Variants in BRCA2 observed in about 807,000 individuals in gnomAD.
BRCA2 encodes BRCA2 DNA repair associated.
Under a neutral mutation model 276.7 loss-of-function variants are expected in BRCA2, and 203 were observed. The ratio of observed to expected loss-of-function variants is 0.73; its 90% CI spans 0.65 to 0.82. BRCA2 has a LOEUF of 0.82. Among genes scored for constraint, BRCA2 ranks in the 40% least tolerant of loss-of-function variants. BRCA2 has a pLI of 0.00. For synonymous variants in BRCA2, 1,289 were observed against 1,338.4 expected (o/e 0.96, Z 0.81); for missense variants, 3,920 against 3,915.0 (o/e 1.00, Z -0.03).
At chr13:32,341,894 ATTATACCAT>A (rs1431752829) in intron 11 of BRCA2, among the ~76,000 whole-genome samples, 2 of 151,438 alleles carry the variant, frequency 1.3e-5, no homozygotes, top group African/African-American at 4.9e-5. Context: ...TTGGTTTCCG[ATTATACCAT>A]TTACTGGGTA....
At chr13:32,354,181 G>A (rs1240265299) in intron 13 of BRCA2, among the ~76,000 whole-genome samples, 5 of 152,148 alleles carry the variant, frequency 3.3e-5, no homozygotes, top group Admixed American at 6.5e-5. Flanking sequence ...GAGTTTGCGT[G>A]CATCCCACAT....
chr13:32,319,892 G>T (rs1332347657), intron 3 of BRCA2, among the ~76,000 whole-genome samples: 1 of 152,204 alleles, frequency 6.6e-6, no homozygotes, highest in East Asian at 1.9e-4. Context: ...GTGTAAGGTT[G>T]AATGTAGTAT....
At chr13:32,355,787 G>A (rs1423307836) in intron 14 of BRCA2, among the ~76,000 whole-genome samples, 2 of 151,944 alleles carry the variant, frequency 1.3e-5, no homozygotes, top group Admixed American at 6.5e-5. Flanking sequence ...GGCTGAGGCA[G>A]GAGAATCGTT....
At position 32,357,791 on chromosome 13, in the gene BRCA2, A is replaced by C; in HGVS notation, c.7667A>C (p.Asn2556Thr). 6.2e-7 allele frequency: 1 copy of C among 1,613,908 alleles called. No individual in the cohort carries two copies. The highest frequency in any genetic ancestry group is 8.5e-7 in the Non-Finnish European group (1 of 1,179,816). Residue 2556 changes from asparagine to threonine, a missense_variant, in exon 16 of 27, where the codon AAT becomes ACT. Coordinates refer to ENST00000380152, the MANE Select transcript of BRCA2 (RefSeq NM_000059.4). ...CATTGCATAAAAATTAACAGCAAAA[A>C]TGCAGAGTCTTTTCAGTTTCACACT... ...SKHCIKINSK[N>T]AESFQFHTED...
intron 13 of BRCA2, among the ~76,000 whole-genome samples, chr13:32,350,858 G>A (rs1373849615): frequency 6.6e-6 from 1 of 152,232 alleles, no homozygotes; most frequent in Non-Finnish European, 1.5e-5. Context: ...AACATTGATA[G>A]TGAGAGGTGA....
chr13:32,339,530 T>C lies in BRCA2; in HGVS notation c.5175T>C (p.Ala1725=), dbSNP rs1593904640. The C allele has an allele frequency of 6.2e-7, 1 of 1,604,376 alleles. No homozygotes were observed. The highest frequency in any genetic ancestry group is 1.1e-5 in the South Asian group (1 of 89,128). Reference sequence around the variant, plus strand: ...AAAATAATTCAAACAGTACTATAGCTGAAAATGACAAAAATCATCTCTCCG... The same window carrying C: ...AAAATAATTCAAACAGTACTATAGCCGAAAATGACAAAAATCATCTCTCCG... ...LYENNSNSTI[A]ENDKNHLSEK... The change falls in exon 11 of 27, where the codon GCT becomes GCC. Residue 1725 remains alanine (A), a synonymous_variant. Transcript: ENST00000380152.
chr13:32,330,177 A>T (rs886627904), intron 8 of BRCA2, among the ~76,000 whole-genome samples: 3 of 152,178 alleles, frequency 2.0e-5, no homozygotes, highest in African/African-American at 7.2e-5. Context: ...TTCTGGCGTA[A>T]TATGTAGCTG....
rs9567623 is a variant in BRCA2, at chr13:32,377,317, C to T, written c.8754+526C>T. ...AATGACAATAAAATAGCTGGCCAGG[C>T]GCGGTGGCTCACGCCTATAATCCCA... On this transcript the variant is annotated intron_variant, in intron 21 of 26. Coordinates refer to ENST00000380152, the MANE Select transcript of BRCA2 (RefSeq NM_000059.4). Among the ~76,000 whole-genome samples the T allele has an allele frequency of 0.19, 28,766 of 152,054 alleles. 3,023 individuals carry two copies. Among genetic ancestry groups the T allele is most frequent in the East Asian group, 0.4 (2,040 of 5,164 alleles).
rs765923304 is a variant in BRCA2 at position 32,332,259 on chromosome 13, T to C, written c.794-13T>C. 6.3e-7 allele frequency: 1 copy of C among 1,584,806 alleles called. No individual in the cohort carries two copies. Among genetic ancestry groups the C allele is most frequent in the South Asian group, 1.1e-5 (1 of 87,816 alleles). On this transcript the variant is annotated splice_polypyrimidine_tract_variant and intron_variant, in intron 9 of 26. Transcript: ENST00000380152. The stretch of plus-strand genomic sequence containing the variant: ...ATAAAATATTAATGTGCTTCTGTTT[T>C]ATACTTTAACAGGATTTGGAAAAAC...
At chr13:32,383,723 C>T (rs969526794) in intron 24 of BRCA2, among the ~76,000 whole-genome samples, 3 of 151,676 alleles carry the variant, frequency 2.0e-5, no homozygotes, top group Non-Finnish European at 4.4e-5. Context: ...GATCAATGAA[C>T]AGGAGATAAG....
chr13:32,366,412 CAG>C (rs1318700596), intron 18 of BRCA2, among the ~76,000 whole-genome samples: 2 of 152,240 alleles, frequency 1.3e-5, no homozygotes, highest in Non-Finnish European at 2.9e-5. Context: ...TTATAGAGAA[CAG>C]GGATCTTTTT....
chr13:32,363,106 T>C (rs2137579157), intron 17 of BRCA2, 73 bp from the exon 18 acceptor site: 1 of 1,274,974 alleles, frequency 7.8e-7, no homozygotes, highest in Non-Finnish European at 1.1e-6. Flanking sequence ...TCTCAGTTAT[T>C]CAGTGACTTG....
At chr13:32,370,270 C>T (rs2072817479) in intron 18 of BRCA2, 132 bp from the exon 19 acceptor site, 2 of 823,084 alleles carry the variant, frequency 2.4e-6, no homozygotes, top group East Asian at 2.7e-5. Context: ...TACTGTCTTA[C>T]TAATCTTCCT....
At chr13:32,380,217 T>G (rs2072915727) in intron 24 of BRCA2, 72 bp downstream of exon 24, 2 of 1,495,692 alleles carry the variant, frequency 1.3e-6, no homozygotes, top group Admixed American at 4.5e-5. Flanking sequence ...TCTCTTATGA[T>G]TAGTTGGAGC....
At chr13:32,362,831 G>A in intron 17 of BRCA2, 138 bp downstream of exon 17, 2 of 914,478 alleles carry the variant, frequency 2.2e-6, no homozygotes, top group Non-Finnish European at 3.4e-6. Flanking sequence ...CTGTTCTCCT[G>A]TCATCCCTAG....
rs587782779 is a variant in BRCA2 at position 32,379,807 on chromosome 13, A to G, written c.9011A>G (p.Lys3004Arg). The stretch of plus-strand genomic sequence containing the variant: ...TTATATTCTCTGTTAACAGAAGGAA[A>G]GAGATACAGAATTTATCATCTTGCA... ...SDLYSLLTEG[K>R]RYRIYHLATS... The change falls in exon 23 of 27, where the codon AAG becomes AGG. Residue 3004 changes from lysine (K) to arginine (R), a missense_variant. Lys to Arg is a conservative substitution (Grantham distance 26). This residue lies in a region of BRCA2 where 657 missense variants were observed against 758.2 expected (regional missense o/e 0.87). Transcript: ENST00000380152. 1.2e-6 allele frequency: 2 copies of G among 1,612,424 alleles called. No homozygotes were observed. Among genetic ancestry groups the G allele is most frequent in the Non-Finnish European group, 1.7e-6 (2 of 1,178,434 alleles).
At chr13:32,331,059 GT>G in intron 9 of BRCA2, 29 bp downstream of exon 9, 6 of 1,492,322 alleles carry the variant, frequency 4.0e-6, no homozygotes, top group Admixed American at 1.7e-5. Flanking sequence ...TGAACTACAG[GT>G]TTTTTTGTTG....
chr13:32,340,915 C>T lies in BRCA2; in HGVS notation c.6560C>T (p.Pro2187Leu), dbSNP rs56019712. ...GTTTTGGGAAAAGAACAGGCTTCACCTAAAAACGTAAAAATGGAAATTGGT... is the reference window on the plus strand; with the variant it reads ...GTTTTGGGAAAAGAACAGGCTTCACTTAAAAACGTAAAAATGGAAATTGGT... ...IHVLGKEQASPKNVKMEIGKT... is the reference protein window; with the variant it reads ...IHVLGKEQASLKNVKMEIGKT... Residue 2187 changes from proline to leucine, a missense_variant, in exon 11 of 27, where the codon CCT becomes CTT. This residue lies in a region of BRCA2 where 3,263 missense variants were observed against 3,156.9 expected (regional missense o/e 1.03). Coordinates refer to ENST00000380152, the MANE Select transcript of BRCA2 (RefSeq NM_000059.4). The T allele has an allele frequency of 4.2e-5, 68 of 1,609,936 alleles. No individual in the cohort carries two copies. The Admixed American group carries it at 1.1e-3, about 26-fold the overall frequency.
At position 32,336,677 on chromosome 13, in the gene BRCA2, T is replaced by G. The variant is rs1131692124; in HGVS notation, c.2322T>G (p.Thr774=). 6.2e-7 allele frequency: 1 copy of G among 1,613,932 alleles called. No individual in the cohort carries two copies. The highest frequency in any genetic ancestry group is 8.5e-7 in the Non-Finnish European group (1 of 1,179,846). ...CCAGCACTCTTATTTTAACTCCTAC[T>G]TCCAAGGATGTTCTGTCAAACCTAG... ...ENASTLILTP[T]SKDVLSNLVM... is the part of the protein sequence containing the mutation. Residue 774 remains threonine, a synonymous_variant, in exon 11 of 27, where the codon ACT becomes ACG. Coordinates refer to ENST00000380152, the MANE Select transcript of BRCA2 (RefSeq NM_000059.4).
Sources: gnomAD v4.1 joint callset for allele counts (sites outside exome capture counted in the v4.1 genomes callset) on GRCh38, gnomAD v4.1.1 for gene constraint, gnomAD v4.1.1 regional missense constraint, MANE v1.5 for transcripts, NCBI Gene and HGNC (gene_info 2026-07-23, HGNC 2026-07-21) for gene names.